MTHFD2L: variants seen among roughly 807,000 people sequenced by gnomAD.
MTHFD2L encodes the protein methylenetetrahydrofolate dehydrogenase (NADP+ dependent) 2 like.
Under a neutral mutation model 34.9 loss-of-function variants are expected in MTHFD2L, and 29 were observed. The observed-to-expected ratio is 0.83, with a 90% CI of 0.62 to 1.13. MTHFD2L has a LOEUF of 1.13. Ranked by LOEUF, MTHFD2L falls within the 50% of genes most tolerant of loss-of-function variation. MTHFD2L has a pLI of 0.00. For synonymous variants in MTHFD2L, 167 were observed against 155.7 expected (o/e 1.07, Z -0.54); for missense variants, 481 against 446.5 (o/e 1.08, Z -0.70).
chr4:74,299,710 A>G (rs1696258355), intron 7 of MTHFD2L, among the ~76,000 whole-genome samples: 1 of 152,034 alleles, frequency 6.6e-6, no homozygotes, highest in Admixed American at 6.6e-5. Context: ...CACTTTCTCA[A>G]AATCTGCTTA....
chr4:74,205,508 G>A (rs568102615), intron 5 of MTHFD2L, among the ~76,000 whole-genome samples: 42 of 152,276 alleles, frequency 2.8e-4, no homozygotes, highest in African/African-American at 7.7e-4. Context: ...CTGTAATTTA[G>A]CTTGATTAAT....
intron 3 of MTHFD2L, among the ~76,000 whole-genome samples, chr4:74,198,856 C>G (rs1331510089): frequency 9.3e-6 from 1 of 107,490 alleles, no homozygotes; most frequent in African/African-American, 3.6e-5. Context: ...CTTTTGTAAT[C>G]TAATTATGGT....
At chr4:74,240,073 A>G (rs2110166784) in intron 6 of MTHFD2L, among the ~76,000 whole-genome samples, 1 of 152,172 alleles carries the variant, frequency 6.6e-6, no homozygotes, top group African/African-American at 2.4e-5. Context: ...CCACCCCCAA[A>G]TTTACTTCTC....
chr4:74,161,117 T>C (rs1385954970), intron 1 of MTHFD2L: 2 of 152,232 alleles, frequency 1.3e-5, no homozygotes, highest in South Asian at 2.1e-4. Context: ...GTTTCACCTT[T>C]CTTTGTGTCG....
chr4:74,151,711 T>C (rs1384782220), intron 1 of MTHFD2L, among the ~76,000 whole-genome samples: 2 of 152,180 alleles, frequency 1.3e-5, no homozygotes, highest in African/African-American at 2.4e-5. Flanking sequence ...AAAACTGAGA[T>C]ATTTTATTGG....
intron 6 of MTHFD2L, among the ~76,000 whole-genome samples, chr4:74,244,990 C>A (rs993278336): frequency 4.0e-5 from 6 of 151,748 alleles, no homozygotes; most frequent in Admixed American, 3.9e-4. Flanking sequence ...GTCAAGAGCT[C>A]GAGACCATCC....
chr4:74,150,008 CAG>C (rs1723835017), intron 1 of MTHFD2L, among the ~76,000 whole-genome samples: 1 of 151,796 alleles, frequency 6.6e-6, no homozygotes, highest in African/African-American at 2.4e-5. Context: ...AAGAGAGAGA[CAG>C]AGAAAGAGAG....
intron 1 of MTHFD2L, among the ~76,000 whole-genome samples, chr4:74,135,075 C>G (rs1722812772): frequency 6.6e-6 from 1 of 151,918 alleles, no homozygotes; most frequent in Non-Finnish European, 1.5e-5. Context: ...GAATACTTTC[C>G]AAAACATGAG....
intron 2 of MTHFD2L, chr4:74,114,764 T>C (rs1468060304): frequency 6.6e-6 from 1 of 152,226 alleles, no homozygotes; most frequent in East Asian, 1.9e-4. Context: ...TCTAGGTTTG[T>C]GGGTCTTGAG....
chr4:74,246,819 C>T lies in MTHFD2L; in HGVS notation c.805+21425C>T, dbSNP rs376459755. Among the ~76,000 whole-genome samples the T allele has an allele frequency of 8.4e-4, 128 of 152,162 alleles. 3 individuals carry two copies. The East Asian group carries it at 0.02, about 23-fold the overall frequency. ...TGCGGCATTATTTCTGAGGGCTCTGCTCTGTTCCATTGATCTGTATCTCTG... is the reference window on the plus strand; with the variant it reads ...TGCGGCATTATTTCTGAGGGCTCTGTTCTGTTCCATTGATCTGTATCTCTG... On this transcript the variant is annotated intron_variant, in intron 6 of 7. Transcript: ENST00000325278.
At chr4:74,191,481 C>G (rs1251141698) in intron 3 of MTHFD2L, among the ~76,000 whole-genome samples, 1 of 151,712 alleles carries the variant, frequency 6.6e-6, no homozygotes, top group Admixed American at 6.6e-5. Context: ...AAGGTAGATG[C>G]AACAATATGA....
chr4:74,182,572 C>A (rs1336974330), intron 3 of MTHFD2L, among the ~76,000 whole-genome samples: 1 of 152,190 alleles, frequency 6.6e-6, no homozygotes, highest in Admixed American at 6.5e-5. Context: ...GTAAATGTCA[C>A]TGCTTTGGGG....
chr4:74,184,605 A>G (rs1388394994), intron 3 of MTHFD2L, among the ~76,000 whole-genome samples: 1 of 152,186 alleles, frequency 6.6e-6, no homozygotes, highest in East Asian at 1.9e-4. Context: ...AATGGAGAAA[A>G]CAAGTAGACA....
intron 7 of MTHFD2L, among the ~76,000 whole-genome samples, chr4:74,295,109 T>C (rs1003772484): frequency 6.6e-6 from 1 of 152,090 alleles, no homozygotes; most frequent in African/African-American, 2.4e-5. Context: ...TTTAAAAGCT[T>C]ATTCACCCTG....
intron 5 of MTHFD2L, among the ~76,000 whole-genome samples, chr4:74,217,911 G>A (rs143480444): frequency 8.1e-4 from 124 of 152,170 alleles, no homozygotes; most frequent in African/African-American, 2.9e-3. Context: ...AAAGAAATTT[G>A]TACTCACATT....
chr4:74,190,033 G>T (rs1321746711), intron 3 of MTHFD2L, among the ~76,000 whole-genome samples: 1 of 152,040 alleles, frequency 6.6e-6, no homozygotes, highest in African/African-American at 2.4e-5. Context: ...TTTAGTCAGG[G>T]TACTGACCAA....
At chr4:74,220,520 G>T (rs1450583164) in intron 5 of MTHFD2L, among the ~76,000 whole-genome samples, 2 of 151,658 alleles carry the variant, frequency 1.3e-5, no homozygotes, top group African/African-American at 2.4e-5. Flanking sequence ...GAATATAGGT[G>T]GAATTCTAAT....
chr4:74,218,399 C>T (rs1261364623), intron 5 of MTHFD2L, among the ~76,000 whole-genome samples: 1 of 152,180 alleles, frequency 6.6e-6, no homozygotes, highest in East Asian at 1.9e-4. Context: ...GGTTTTTTAG[C>T]TTACTCAGCA....
chr4:74,284,888 C>G (rs770510593), intron 7 of MTHFD2L, among the ~76,000 whole-genome samples: 4 of 152,088 alleles, frequency 2.6e-5, no homozygotes, highest in Non-Finnish European at 4.4e-5. Flanking sequence ...GACACATGCA[C>G]ACGTATGTTT....
Sources: gnomAD v4.1 joint callset for allele counts (sites outside exome capture counted in the v4.1 genomes callset) on GRCh38, gnomAD v4.1.1 for gene constraint, MANE v1.5 for transcripts, NCBI Gene and HGNC (gene_info 2026-07-23, HGNC 2026-07-21) for gene names.